The following ADAMTSL3 variants were observed in gnomAD, a reference collection of about 807,000 sequenced individuals.
ADAMTSL3 encodes ADAMTS like 3.
Under a neutral mutation model 201.7 loss-of-function variants are expected in ADAMTSL3, and 128 were observed. The observed-to-expected ratio is 0.63, with a 90% CI of 0.55 to 0.73. ADAMTSL3 has a LOEUF of 0.73. ADAMTSL3 is among the 30% of genes least tolerant of loss of function. The pLI, the probability that ADAMTSL3 is intolerant of heterozygous loss-of-function variation, is 0.00. For missense variants in ADAMTSL3, 1,990 were observed against 2,119.6 expected (o/e 0.94, Z 1.20); for synonymous variants, 738 against 748.4 (o/e 0.99, Z 0.23).
chr15:83,826,850 T>C (rs1240368531), intron 6 of ADAMTSL3, among the ~76,000 whole-genome samples: 1 of 152,118 alleles, frequency 6.6e-6, no homozygotes, highest in East Asian at 1.9e-4. Context: ...TCATCCTTTT[T>C]TATGGCTGCA....
chr15:83,874,908 C>G (rs1358419825), intron 9 of ADAMTSL3, among the ~76,000 whole-genome samples: 1 of 145,422 alleles, frequency 6.9e-6, no homozygotes, highest in Non-Finnish European at 1.5e-5. Context: ...TCCGGAAGCC[C>G]GGTAGGCGTT....
At chr15:83,714,091 A>G (rs76081624) in intron 3 of ADAMTSL3, among the ~76,000 whole-genome samples, 10,694 of 152,264 alleles carry the variant, frequency 0.07, 428 homozygotes, top group East Asian at 0.18. Flanking sequence ...CTCTGTGTTT[A>G]GTTACCTTTG....
intron 3 of ADAMTSL3, among the ~76,000 whole-genome samples, chr15:83,764,328 C>A (rs1419729782): frequency 6.6e-6 from 1 of 152,150 alleles, no homozygotes; most frequent in African/African-American, 2.4e-5. Flanking sequence ...TCCAGTGAGT[C>A]AATAAATTAC....
chr15:83,843,992 A>G (rs2064439909), intron 7 of ADAMTSL3, among the ~76,000 whole-genome samples: 5 of 152,234 alleles, frequency 3.3e-5, no homozygotes, highest in Admixed American at 2.6e-4. Flanking sequence ...AAAGCTGTAA[A>G]AACAACAACA....
intron 2 of ADAMTSL3, among the ~76,000 whole-genome samples, chr15:83,669,369 C>T (rs1336183773): frequency 7.6e-6 from 1 of 131,848 alleles, no homozygotes; most frequent in Non-Finnish European, 1.5e-5. Flanking sequence ...TGGTCTGGAA[C>T]TCCTGACCTT....
At chr15:83,973,896 G>T (rs1002320508) in intron 20 of ADAMTSL3, among the ~76,000 whole-genome samples, 2 of 152,112 alleles carry the variant, frequency 1.3e-5, no homozygotes, top group Non-Finnish European at 2.9e-5. Flanking sequence ...TGGCCTAATC[G>T]GTGCCTTGGG....
At chr15:83,761,771 T>C (rs2062811840) in intron 3 of ADAMTSL3, among the ~76,000 whole-genome samples, 1 of 152,214 alleles carries the variant, frequency 6.6e-6, no homozygotes, top group African/African-American at 2.4e-5. Flanking sequence ...TTAACAAAAA[T>C]AAAGTCAGTA....
At chr15:83,881,321 C>A (rs1021061963) in intron 9 of ADAMTSL3, among the ~76,000 whole-genome samples, 3 of 152,186 alleles carry the variant, frequency 2.0e-5, no homozygotes, top group African/African-American at 7.2e-5. Context: ...CAACACCTGA[C>A]ACCTTGGAAG....
intron 5 of ADAMTSL3, among the ~76,000 whole-genome samples, chr15:83,808,476 A>G (rs1291236637): frequency 6.6e-6 from 1 of 152,198 alleles, no homozygotes; most frequent in East Asian, 1.9e-4. Flanking sequence ...AAGACAAAAG[A>G]CACAAGTGTT....
At chr15:84,017,730 T>G (rs532918328) in intron 25 of ADAMTSL3, among the ~76,000 whole-genome samples, 3 of 152,346 alleles carry the variant, frequency 2.0e-5, no homozygotes, top group Admixed American at 6.5e-5. Flanking sequence ...AATACTAACA[T>G]TATTGTATAC....
At chr15:83,821,993 G>A (rs2063878545) in intron 6 of ADAMTSL3, among the ~76,000 whole-genome samples, 1 of 145,124 alleles carries the variant, frequency 6.9e-6, no homozygotes, top group African/African-American at 2.5e-5. Flanking sequence ...CTGGCCGGGC[G>A]GGTTGCTGAC....
rs759666240 is a variant in ADAMTSL3 at position 83,913,087 on chromosome 15, C to T, written c.1701-5C>T. On this transcript the variant is annotated splice_region_variant and splice_polypyrimidine_tract_variant and intron_variant, in intron 15 of 29. Coordinates refer to ENST00000286744, the MANE Select transcript of ADAMTSL3 (RefSeq NM_207517.3). Reference sequence around the variant, plus strand: ...CTTTTCTGGTGGCTTCCTGGTTTTCCCTAGGTTCATTCCAGAACCCTGGTC... The same window carrying T: ...CTTTTCTGGTGGCTTCCTGGTTTTCTCTAGGTTCATTCCAGAACCCTGGTC... The T allele has an allele frequency of 1.2e-6, 2 of 1,612,394 alleles. No homozygotes were observed. The highest frequency in any genetic ancestry group is 1.7e-6 in the Non-Finnish European group (2 of 1,179,026).
intron 16 of ADAMTSL3, among the ~76,000 whole-genome samples, chr15:83,916,896 C>T (rs1201083966): frequency 1.3e-5 from 2 of 152,336 alleles, no homozygotes; most frequent in African/African-American, 4.8e-5. Context: ...AGAACATATT[C>T]TTTGCCTTGA....
chr15:83,980,779 T>G (rs2141804901), intron 20 of ADAMTSL3, among the ~76,000 whole-genome samples: 1 of 152,308 alleles, frequency 6.6e-6, no homozygotes, highest in South Asian at 2.1e-4. Flanking sequence ...CTCCATTGTT[T>G]CCCTGAACCT....
intron 8 of ADAMTSL3, among the ~76,000 whole-genome samples, chr15:83,870,228 T>C (rs1471351385): frequency 6.6e-6 from 1 of 152,198 alleles, no homozygotes; most frequent in African/African-American, 2.4e-5. Context: ...GGCATTGAAC[T>C]ATATGCACAT....
In ADAMTSL3 at chr15:84,037,920, TCAAA is replaced by T; in HGVS notation, c.*117_*120del. 2 of 1,422,764 alleles carry T rather than the reference TCAAA, an allele frequency of 1.4e-6. No individual in the cohort carries two copies. The highest frequency in any genetic ancestry group is 3.1e-5 in the South Asian group (2 of 64,430). 88.1% of individuals were successfully genotyped at this position (1,422,764 alleles called of 1,614,324 possible). On this transcript the variant is annotated 3_prime_UTR_variant, in exon 30 of 30. Coordinates refer to ENST00000286744, the MANE Select transcript of ADAMTSL3 (RefSeq NM_207517.3). Reference sequence around the variant, plus strand: ...TTCTTAAAAGACTAGATTCTATGGATCAAACAGAGGTTGATGCAAAAACACCACT... The same window carrying T: ...TTCTTAAAAGACTAGATTCTATGGATCAGAGGTTGATGCAAAAACACCACT...
intron 3 of ADAMTSL3, among the ~76,000 whole-genome samples, chr15:83,771,768 G>A (rs189132735): frequency 1.1e-3 from 161 of 152,264 alleles, no homozygotes; most frequent in Non-Finnish European, 1.7e-3. Context: ...CCTGATTTCA[G>A]TTCTTTTGGA....
At chr15:83,857,587 TAAAC>T (rs910390626) in intron 7 of ADAMTSL3, among the ~76,000 whole-genome samples, 13 of 152,208 alleles carry the variant, frequency 8.5e-5, no homozygotes, top group African/African-American at 2.9e-4. Flanking sequence ...GTATACATGT[TAAAC>T]AAACAAAAAA....
In ADAMTSL3 at chr15:83,760,271, A is replaced by G. The variant is rs1464229862; in HGVS notation, c.190-13252A>G. Among the ~76,000 whole-genome samples the G allele has an allele frequency of 2.0e-5, 3 of 152,070 alleles. No homozygotes were observed. In the East Asian group the frequency reaches 5.8e-4, roughly 29 times the overall value. On this transcript the variant is annotated intron_variant, in intron 3 of 29. Transcript: ENST00000286744. Reference sequence around the variant, plus strand: ...TCTTCATTCATTAAGAGTATTTTCTAATTTTCATTGTGATTAATTTTTAAC... The same window carrying G: ...TCTTCATTCATTAAGAGTATTTTCTGATTTTCATTGTGATTAATTTTTAAC...
Sources: gnomAD v4.1 joint callset for allele counts (sites outside exome capture counted in the v4.1 genomes callset) on GRCh38, gnomAD v4.1.1 for gene constraint, MANE v1.5 for transcripts, NCBI Gene and HGNC (gene_info 2026-07-23, HGNC 2026-07-21) for gene names.